Variants in STUM observed in about 807,000 individuals in gnomAD.
STUM encodes the protein stum, mechanosensory transduction mediator homolog.
A neutral mutation model predicts 15.3 loss-of-function variants in STUM; 8 were observed. That is an observed-to-expected ratio of 0.52 (90% CI 0.31 to 0.94). The LOEUF is 0.94. STUM is among the 40% of genes least tolerant of loss of function. The pLI is 0.05. For synonymous variants in STUM, 78 were observed against 88.7 expected, an observed-to-expected ratio of 0.88 and a Z score of 0.68; for missense variants, 142 against 204.9, an observed-to-expected ratio of 0.69 and a Z score of 1.87.
intron 1 of STUM, among the ~76,000 whole-genome samples, chr1:226,593,677 C>T (rs928428960): frequency 3.3e-5 from 5 of 152,172 alleles, no homozygotes; most frequent in South Asian, 2.1e-4. Context: ...GTCCATCCGG[C>T]GAGAGTAGAA....
intron 1 of STUM, among the ~76,000 whole-genome samples, chr1:226,563,091 G>A (rs982366044): frequency 1.3e-5 from 2 of 152,300 alleles, no homozygotes; most frequent in African/African-American, 2.4e-5. Flanking sequence ...TGGGTAAAGC[G>A]TAGACCAGAA....
At chr1:226,593,763 G>A (rs1359527113) in intron 1 of STUM, among the ~76,000 whole-genome samples, 2 of 152,174 alleles carry the variant, frequency 1.3e-5, no homozygotes, top group African/African-American at 2.4e-5. Flanking sequence ...GGTAGTTAGC[G>A]AGTTGTCTGA....
At chr1:226,576,739 C>G (rs183669820) in intron 1 of STUM, among the ~76,000 whole-genome samples, 9 of 152,178 alleles carry the variant, frequency 5.9e-5, no homozygotes, top group African/African-American at 2.2e-4. Flanking sequence ...CCACTCCCCC[C>G]TCCCAGGCCC....
intron 1 of STUM, among the ~76,000 whole-genome samples, chr1:226,595,239 A>G (rs1668159889): frequency 6.6e-6 from 1 of 152,094 alleles, no homozygotes; most frequent in South Asian, 2.1e-4. Flanking sequence ...AAAGCGTCTC[A>G]CCCTGGAAGG....
chr1:226,550,234 G>C (rs1312455140), intron 1 of STUM, among the ~76,000 whole-genome samples: 1 of 152,104 alleles, frequency 6.6e-6, no homozygotes, highest in Admixed American at 6.5e-5. Context: ...TGCTTAGCAG[G>C]GGCCTCTGCT....
At chr1:226,572,232 T>C (rs1667722432) in intron 1 of STUM, among the ~76,000 whole-genome samples, 1 of 152,224 alleles carries the variant, frequency 6.6e-6, no homozygotes, top group Non-Finnish European at 1.5e-5. Context: ...TGGGTCAAGG[T>C]CATTGAAATG....
chr1:226,592,480 GT>G (rs1160667186), intron 1 of STUM, among the ~76,000 whole-genome samples: 1 of 152,220 alleles, frequency 6.6e-6, no homozygotes, highest in Non-Finnish European at 1.5e-5. Context: ...CTGAGCCTCA[GT>G]TTCTGTATCT....
chr1:226,553,723 G>A (rs1667405441), intron 1 of STUM, among the ~76,000 whole-genome samples: 1 of 152,262 alleles, frequency 6.6e-6, no homozygotes, highest in Non-Finnish European at 1.5e-5. Flanking sequence ...CATTGGAACA[G>A]TGGTGCATGA....
rs571178284 is a variant in STUM at position 226,597,002 on chromosome 1, C to T, written c.382+21C>T. The stretch of plus-strand genomic sequence containing the variant: ...TGCCAGTGAGTAGCTGTTGGTGCTG[C>T]GCCTCCTGGGGGTGGGGAGTGGCCA... On this transcript the variant is annotated intron_variant, in intron 2 of 3. Coordinates refer to ENST00000366788, the MANE Select transcript of STUM (RefSeq NM_001003665.4). 254 of 1,612,302 alleles carry T rather than the reference C, an allele frequency of 1.6e-4. 3 individuals are homozygous for T. The South Asian group carries it at 2.4e-3, about 15-fold the overall frequency.
chr1:226,594,540 C>G (rs1320088270), intron 1 of STUM, among the ~76,000 whole-genome samples: 1 of 152,218 alleles, frequency 6.6e-6, no homozygotes, highest in East Asian at 1.9e-4. Context: ...TGGCATCTGA[C>G]TCTGGTGGGT....
intron 1 of STUM, among the ~76,000 whole-genome samples, chr1:226,593,143 A>G (rs1470256226): frequency 3.6e-5 from 5 of 139,480 alleles, no homozygotes; most frequent in South Asian, 2.4e-4. Context: ...CTGAGATCAC[A>G]CCACTGCACC....
intron 3 of STUM, among the ~76,000 whole-genome samples, chr1:226,601,467 C>T (rs1305866826): frequency 6.6e-6 from 1 of 152,204 alleles, no homozygotes; most frequent in African/African-American, 2.4e-5. Flanking sequence ...ATCCACAGAG[C>T]TCACTTTTTC....
Position 226,567,983 on chromosome 1 carries a change from G to A in STUM, c.202+18877G>A, listed in dbSNP as rs140579973. On this transcript the variant is annotated intron_variant, in intron 1 of 3. Transcript: ENST00000366788. This position sits in a 1 kb window ranked among gnomAD's most constrained non-coding sequence, Gnocchi z 4.5. Reference sequence around the variant, plus strand: ...GAGCACTGATCTCCATTCCTTGGAAGCCAAACCTGAGACACCCGGGAGAGG... The same window carrying A: ...GAGCACTGATCTCCATTCCTTGGAAACCAAACCTGAGACACCCGGGAGAGG... Among the ~76,000 whole-genome samples, 28 of 152,338 alleles carry A rather than the reference G, an allele frequency of 1.8e-4. No homozygotes were observed. The highest frequency in any genetic ancestry group is 6.5e-4 in the African/African-American group (27 of 41,574).
rs2102682236 is a variant in STUM at position 226,549,398 on chromosome 1, G to C, written c.202+292G>C. ...CAGCGGCGGCCGGAATGGCTCTGCC[G>C]GCTTCGGAGTAGGGCTCCCGTCCCG... On this transcript the variant is annotated intron_variant, in intron 1 of 3. Transcript: ENST00000366788. The surrounding 1 kb of genome is among the most constrained non-coding windows in gnomAD (Gnocchi z 6.8). 6.6e-6 allele frequency among the ~76,000 whole-genome samples: 1 copy of C among 152,314 alleles called. No homozygotes were observed. Among genetic ancestry groups the C allele is most frequent in the East Asian group, 1.9e-4 (1 of 5,162 alleles).
At chr1:226,569,474 T>C (rs1056069363) in intron 1 of STUM, among the ~76,000 whole-genome samples, 1 of 152,098 alleles carries the variant, frequency 6.6e-6, no homozygotes, top group African/African-American at 2.4e-5. Flanking sequence ...TAGCAGGTGC[T>C]CAGTAATTTT....
chr1:226,559,940 G>C lies in STUM; in HGVS notation c.202+10834G>C, dbSNP rs542383261. ...AGTGAGCCGAGATTGCACCACTGCAGTCCAGCCTGGGCAACAGAGCAAGAC... is the reference window on the plus strand; with the variant it reads ...AGTGAGCCGAGATTGCACCACTGCACTCCAGCCTGGGCAACAGAGCAAGAC... On this transcript the variant is annotated intron_variant, in intron 1 of 3. Coordinates refer to ENST00000366788, the MANE Select transcript of STUM (RefSeq NM_001003665.4). Among the ~76,000 whole-genome samples, 28 of 145,826 alleles carry C rather than the reference G, an allele frequency of 1.9e-4. No homozygotes were observed. In the Middle Eastern group the frequency reaches 0.011, roughly 58 times the overall value.
chr1:226,607,830 T>G lies in STUM; in HGVS notation c.*5790T>G, dbSNP rs1171015995. ...TGTGGATGCCACAGTCCATCCCCATTGCATTTCACCCCCACATGGACAGAG... is the reference window on the plus strand; with the variant it reads ...TGTGGATGCCACAGTCCATCCCCATGGCATTTCACCCCCACATGGACAGAG... On this transcript the variant is annotated 3_prime_UTR_variant, in exon 4 of 4. Coordinates refer to ENST00000366788, the MANE Select transcript of STUM (RefSeq NM_001003665.4). The G allele has an allele frequency of 2.0e-5, 3 of 152,266 alleles. No homozygotes were observed. Among genetic ancestry groups the G allele is most frequent in the Non-Finnish European group, 4.4e-5 (3 of 68,104 alleles). The allele number at this position is 152,266 out of a possible 1,614,324, so 9.4% of individuals were successfully genotyped here.
At chr1:226,596,113 G>A (rs999733468) in intron 1 of STUM, among the ~76,000 whole-genome samples, 1 of 152,122 alleles carries the variant, frequency 6.6e-6, no homozygotes, top group Non-Finnish European at 1.5e-5. Flanking sequence ...GAATGTGACC[G>A]CACCCACCAC....
chr1:226,578,040 G>A (rs950430986), intron 1 of STUM, among the ~76,000 whole-genome samples: 8 of 152,080 alleles, frequency 5.3e-5, no homozygotes, highest in Non-Finnish European at 7.4e-5. Flanking sequence ...CATGAGAGGC[G>A]GCCCCAGACT....
Sources: allele counts gnomAD v4.1 joint callset (sites outside exome capture counted in the v4.1 genomes callset), GRCh38; gene constraint gnomAD v4.1.1; non-coding constraint Gnocchi (gnomAD v3.1); transcripts MANE v1.5; gene names NCBI Gene and HGNC (gene_info 2026-07-23, HGNC 2026-07-21).